Variants in SPTAN1 observed in about 807,000 individuals in gnomAD.
The protein encoded by SPTAN1 is spectrin alpha, non-erythrocytic 1.
Under a neutral mutation model 331.3 loss-of-function variants are expected in SPTAN1, and 61 were observed. The ratio of observed to expected loss-of-function variants is 0.18; its 90% CI spans 0.15 to 0.23. The LOEUF is 0.23. Among genes scored for constraint, SPTAN1 ranks in the 10% least tolerant of loss-of-function variants. The pLI, the probability that SPTAN1 is intolerant of heterozygous loss-of-function variation, is 1.00. For synonymous variants in SPTAN1, 1,153 were observed against 1,173.9 expected, an observed-to-expected ratio of 0.98 and a Z score of 0.36; for missense variants, 2,043 against 3,147.9, an observed-to-expected ratio of 0.65 and a Z score of 8.40.
rs367629442 is a variant in SPTAN1 at position 128,625,888 on chromosome 9, C to T, written c.6189C>T (p.His2063=). 31 of 1,614,110 alleles carry T rather than the reference C, an allele frequency of 1.9e-5. No individual in the cohort carries two copies. Among genetic ancestry groups the T allele is most frequent in the South Asian group, 4.4e-5 (4 of 91,088 alleles). Residue 2063 remains histidine, a synonymous_variant, in exon 48 of 57, where the codon CAC becomes CAT. Transcript: ENST00000372739. This position sits in a 1 kb window ranked among gnomAD's most constrained non-coding sequence, Gnocchi z 4.1. ...AGTCCAAGGCCATCGAGGCCCGGCA[C>T]GCCTCCCTCATGAAGAGGTGGAGCC... The part of the protein sequence containing the change: ...HVQSKAIEAR[H]ASLMKRWSQL...
intron 27 of SPTAN1, among the ~76,000 whole-genome samples, chr9:128,600,844 G>A (rs1855026289): frequency 6.6e-6 from 1 of 151,858 alleles, no homozygotes; most frequent in South Asian, 2.1e-4. Context: ...TGTATTTTTA[G>A]TAGAGACAGG....
At chr9:128,618,744 A>C in intron 43 of SPTAN1, 127 bp from the exon 44 acceptor site, 2 of 1,422,674 alleles carry the variant, frequency 1.4e-6, no homozygotes, top group Non-Finnish European at 2.0e-6. Flanking sequence ...CGGCCTCCCA[A>C]AGTGCTGGGA....
chr9:128,590,932 T>C (rs763741137), intron 21 of SPTAN1, among the ~76,000 whole-genome samples: 5 of 152,198 alleles, frequency 3.3e-5, no homozygotes, highest in Admixed American at 6.5e-5. Context: ...CTCTGGAGCA[T>C]CTAAGCAGAG....
chr9:128,633,292 G>A lies in SPTAN1; in HGVS notation c.7392G>A (p.Ala2464=), dbSNP rs149318543. Residue 2464 remains alanine, a synonymous_variant, in exon 57 of 57, where the codon GCG becomes GCA. Coordinates refer to ENST00000372739, the MANE Select transcript of SPTAN1 (RefSeq NM_001130438.3). ...VDGKGRELPT[A]FDYVEFTRSL... ...GCAAGGGCCGCGAGCTCCCCACCGC[G>A]TTCGACTACGTGGAGTTCACCCGCT... 2.4e-4 allele frequency: 385 copies of A among 1,613,972 alleles called. No homozygotes were observed. In the African/African-American group the frequency reaches 3.6e-3, roughly 15 times the overall value.
At chr9:128,628,384 A>G (rs1859126445) in intron 51 of SPTAN1, 1 of 361,492 alleles carries the variant, frequency 2.8e-6, no homozygotes, top group Admixed American at 3.8e-5. Flanking sequence ...CAGTAAGTCC[A>G]CAGCTGAGAA....
At chr9:128,607,533 CTG>C in intron 31 of SPTAN1, 69 bp from the exon 32 acceptor site, 1 of 1,306,592 alleles carries the variant, frequency 7.7e-7, no homozygotes, top group Middle Eastern at 1.8e-4. Context: ...ATGTCATTCT[CTG>C]TTTTCCTGGG....
intron 43 of SPTAN1, among the ~76,000 whole-genome samples, chr9:128,618,447 C>T (rs759416621): frequency 2.6e-5 from 4 of 151,768 alleles, no homozygotes; most frequent in South Asian, 2.1e-4. Flanking sequence ...GTTCCATGGA[C>T]GGCCTGACTG....
intron 37 of SPTAN1, among the ~76,000 whole-genome samples, chr9:128,610,996 G>A (rs944740642): frequency 6.6e-6 from 1 of 152,192 alleles, no homozygotes; most frequent in Non-Finnish European, 1.5e-5. Context: ...TTTAGATAAT[G>A]AAATGTCCAT....
At position 128,605,458 on chromosome 9, in the gene SPTAN1, C is replaced by A. The variant is rs138827421; in HGVS notation, c.4027C>A (p.Arg1343Ser). ...AKLGDSHDLQ[R>S]FLSDFRDLMS... ...GTTGGGTGACTCCCACGACCTGCAGCGCTTCCTTAGCGATTTCCGGTACGG... is the reference window on the plus strand; with the variant it reads ...GTTGGGTGACTCCCACGACCTGCAGAGCTTCCTTAGCGATTTCCGGTACGG... The change falls in exon 31 of 57, where the codon CGC (arginine) becomes AGC (serine). Residue 1343 changes from arginine to serine, a missense_variant. By Grantham distance (110) the Arg-to-Ser change is moderately radical (BLOSUM62 -1). This residue lies in a region of SPTAN1 where 179 missense variants were observed against 215.7 expected (regional missense o/e 0.83). Coordinates refer to ENST00000372739, the MANE Select transcript of SPTAN1 (RefSeq NM_001130438.3). 1 of 1,614,024 alleles carries A rather than the reference C, an allele frequency of 6.2e-7. No homozygotes were observed. Among genetic ancestry groups the A allele is most frequent in the Non-Finnish European group, 8.5e-7 (1 of 1,180,028 alleles).
At chr9:128,607,789 G>A (rs1371372301) in intron 32 of SPTAN1, 63 bp from the exon 33 acceptor site, 10 of 1,610,906 alleles carry the variant, frequency 6.2e-6, no homozygotes, top group African/African-American at 2.7e-5. Flanking sequence ...GTGGTGAGTC[G>A]GTGGTTGACG....
Position 128,577,811 on chromosome 9 carries a change from A to C in SPTAN1, c.1086-299A>C, listed in dbSNP as rs1489900325. 6.6e-6 allele frequency among the ~76,000 whole-genome samples: 1 copy of C among 152,248 alleles called. No homozygotes were observed. The highest frequency in any genetic ancestry group is 1.5e-5 in the Non-Finnish European group (1 of 68,044). The stretch of plus-strand genomic sequence containing the variant: ...GAAATATCTTATTAAAACCAGGATT[A>C]GAAAGGAAAAGAATCCTTGCTAGCC... On this transcript the variant is annotated intron_variant, in intron 8 of 56. Transcript: ENST00000372739. The surrounding 1 kb of genome is among the most constrained non-coding windows in gnomAD (Gnocchi z 4.2).
chr9:128,554,138 A>T (rs1848411009), intron 1 of SPTAN1, among the ~76,000 whole-genome samples: 1 of 152,182 alleles, frequency 6.6e-6, no homozygotes, highest in Non-Finnish European at 1.5e-5. Flanking sequence ...AATTAACAAT[A>T]AGCCTTTTTT....
chr9:128,618,738 C>A, intron 43 of SPTAN1, 133 bp from the exon 44 acceptor site: 1 of 1,350,598 alleles, frequency 7.4e-7, no homozygotes. Flanking sequence ...CCGCCTCGGC[C>A]TCCCAAAGTG....
chr9:128,579,784 C>A, intron 10 of SPTAN1, 46 bp downstream of exon 10: 1 of 1,429,536 alleles, frequency 7.0e-7, no homozygotes, highest in Non-Finnish European at 9.8e-7. Context: ...TTACACCTTT[C>A]ACTAAGTCTC....
At chr9:128,606,189 G>A (rs970227438) in intron 31 of SPTAN1, among the ~76,000 whole-genome samples, 3 of 151,030 alleles carry the variant, frequency 2.0e-5, no homozygotes, top group African/African-American at 7.3e-5. Context: ...GGCCAATATG[G>A]TGAAACCCCA....
At chr9:128,599,532 G>A (rs1589274802) in intron 26 of SPTAN1, 5 of 173,744 alleles carry the variant, frequency 2.9e-5, no homozygotes, top group Admixed American at 2.3e-4. Flanking sequence ...TTAAGAGATA[G>A]GGTCTTGCTT....
rs34039280 is a variant in SPTAN1, at chr9:128,630,526, A to ATC, written c.6762+161_6762+162dup. The ATC allele has an allele frequency of 1.5e-4, 104 of 690,382 alleles. 2 individuals carry two copies. The East Asian group carries it at 2.7e-3, about 18-fold the overall frequency. The allele number at this position is 690,382 out of a possible 1,614,324, so 42.8% of individuals were successfully genotyped here. On this transcript the variant is annotated intron_variant, in intron 52 of 56. Coordinates refer to ENST00000372739, the MANE Select transcript of SPTAN1 (RefSeq NM_001130438.3). ...CTAAAGCAGTCTAGGGCTCTTCACT[A>ATC]TCTCTCTCTCTTTTCTTTCTTTCTT... is the stretch of plus-strand genomic sequence containing the variant.
Position 128,624,653 on chromosome 9 carries a change from C to A in SPTAN1, c.5992+166C>A, listed in dbSNP as rs181157159. 1.7e-4 allele frequency: 153 copies of A among 888,248 alleles called. No individual in the cohort carries two copies. In the African/African-American group the frequency reaches 2.3e-3, roughly 13 times the overall value. The allele number at this position is 888,248 out of a possible 1,614,324, so 55.0% of individuals were successfully genotyped here. Reference sequence around the variant, plus strand: ...ACTGCCAGCTAGGAGGAGACAGTGTCCTGAGGCCAGAACTGCCACCCGGAA... The same window carrying A: ...ACTGCCAGCTAGGAGGAGACAGTGTACTGAGGCCAGAACTGCCACCCGGAA... On this transcript the variant is annotated intron_variant, in intron 46 of 56. Coordinates refer to ENST00000372739, the MANE Select transcript of SPTAN1 (RefSeq NM_001130438.3).
intron 37 of SPTAN1, 185 bp from the exon 38 acceptor site, chr9:128,611,529 T>C (rs982045225): frequency 1.5e-6 from 1 of 677,228 alleles, no homozygotes; most frequent in Admixed American, 2.4e-5. Flanking sequence ...CCTCCTTTGC[T>C]AACTCCCCAA....
Sources: allele counts gnomAD v4.1 joint callset (sites outside exome capture counted in the v4.1 genomes callset), GRCh38; gene constraint gnomAD v4.1.1; regional missense constraint gnomAD v4.1.1; non-coding constraint Gnocchi (gnomAD v3.1); transcripts MANE v1.5; gene names NCBI Gene and HGNC (gene_info 2026-07-23, HGNC 2026-07-21).